Variants in MICALL1 observed in about 807,000 individuals in gnomAD.
The protein encoded by MICALL1 is MICAL like 1.
A neutral mutation model predicts 83.7 loss-of-function variants in MICALL1; 61 were observed. That is an observed-to-expected ratio of 0.73 (90% CI 0.59 to 0.90). The LOEUF (loss-of-function observed/expected upper bound fraction) is 0.90, where lower values mean the gene tolerates loss of function less well. MICALL1 is among the 40% of genes least tolerant of loss of function. The pLI, the probability that MICALL1 is intolerant of heterozygous loss-of-function variation, is 0.00. For missense variants in MICALL1, 1,066 were observed against 1,152.0 expected (o/e 0.93, Z 1.08); for synonymous variants, 481 against 473.6 (o/e 1.02, Z -0.20).
chr22:37,917,159 A>G (rs1928730845), intron 3 of MICALL1, among the ~76,000 whole-genome samples: 1 of 152,112 alleles, frequency 6.6e-6, no homozygotes, highest in South Asian at 2.1e-4. Flanking sequence ...GACGTGAGCC[A>G]CTGTGCCCGG....
At chr22:37,931,694 G>T in intron 9 of MICALL1, 105 bp from the exon 10 acceptor site, 1 of 1,384,422 alleles carries the variant, frequency 7.2e-7, no homozygotes, top group Admixed American at 1.9e-5. Context: ...GGTCCTGCTG[G>T]CCCTGGAGTG....
Position 37,931,878 on chromosome 22 carries a change from C to G in MICALL1, c.1961C>G (p.Ser654Cys), listed in dbSNP as rs1405748564. Reference sequence around the variant, plus strand: ...GCCACAAAGAAGGCCACCAAGGGATCCAAGCCAGTGAGGCCACCTGCCCCT... The same window carrying G: ...GCCACAAAGAAGGCCACCAAGGGATGCAAGCCAGTGAGGCCACCTGCCCCT... ...SPATKKATKG[S>C]KPVRPPAPGH... Residue 654 changes from serine to cysteine, a missense_variant, in exon 10 of 16, where the codon TCC becomes TGC. By Grantham distance (112) the Ser-to-Cys change is moderately radical. Coordinates refer to ENST00000215957, the MANE Select transcript of MICALL1 (RefSeq NM_033386.4). The G allele has an allele frequency of 6.2e-7, 1 of 1,614,188 alleles. No homozygotes were observed. The highest frequency in any genetic ancestry group is 2.2e-5 in the East Asian group (1 of 44,876).
intron 13 of MICALL1, among the ~76,000 whole-genome samples, chr22:37,935,510 C>T (rs551806598): frequency 4.6e-5 from 7 of 151,896 alleles, no homozygotes; most frequent in African/African-American, 1.7e-4. Context: ...CCGCCCACCT[C>T]GGCCTCCCAA....
chr22:37,907,351 A>G (rs1049886689), intron 1 of MICALL1: 6 of 152,320 alleles, frequency 3.9e-5, no homozygotes, highest in South Asian at 2.1e-4. Flanking sequence ...GAGCTGCCCA[A>G]TGAGGTTCTC....
At chr22:37,922,796 G>GTTTTTTTTTTTTTT (rs574266914) in intron 6 of MICALL1, among the ~76,000 whole-genome samples, 38 of 69,188 alleles carry the variant, frequency 5.5e-4, no homozygotes, top group South Asian at 1.1e-3. Context: ...GTTTTTTTTT[G>GTTTTTTTTTTTTTT]TTTTTTTTTT....
At position 37,932,154 on chromosome 22, in the gene MICALL1, CATTTA is replaced by C. The variant is rs1041088963; in HGVS notation, c.2016+226_2016+230del. ...TCACCACCAAAAGCAGTGGGTGGTGCATTTAATTTGTTACTAACAAGTTCAAGTAT... is the reference window on the plus strand; with the variant it reads ...TCACCACCAAAAGCAGTGGGTGGTGCATTTGTTACTAACAAGTTCAAGTAT... On this transcript the variant is annotated intron_variant, in intron 10 of 15. Coordinates refer to ENST00000215957, the MANE Select transcript of MICALL1 (RefSeq NM_033386.4). The surrounding 1 kb of genome is among the most constrained non-coding windows in gnomAD (Gnocchi z 4.4). Among the ~76,000 whole-genome samples the C allele has an allele frequency of 6.6e-6, 1 of 152,242 alleles. No individual in the cohort carries two copies. Among genetic ancestry groups the C allele is most frequent in the African/African-American group, 2.4e-5 (1 of 41,456 alleles).
intron 4 of MICALL1, among the ~76,000 whole-genome samples, chr22:37,918,687 G>T (rs1928827657): frequency 6.6e-6 from 1 of 152,248 alleles, no homozygotes; most frequent in South Asian, 2.1e-4. Context: ...AGGGGAGGAG[G>T]AGGGGGCAGG....
In MICALL1 at chr22:37,906,553, A is replaced by ACCGGCC; in HGVS notation, c.133_138dup (p.Arg45_Pro46dup). The stretch of plus-strand genomic sequence containing the variant: ...GCCTTCTGCGCCATCCTGCACCGGC[A>ACCGGCC]CCGGCCCGACCTGCTGTGAGTGCGG... On this transcript the variant is annotated inframe_insertion, in exon 1 of 16. Coordinates refer to ENST00000215957, the MANE Select transcript of MICALL1 (RefSeq NM_033386.4). The surrounding 1 kb of genome is among the most constrained non-coding windows in gnomAD (Gnocchi z 4.4). The ACCGGCC allele has an allele frequency of 8.5e-7, 1 of 1,179,976 alleles. No homozygotes were observed. Among genetic ancestry groups the ACCGGCC allele is most frequent in the Non-Finnish European group, 1.1e-6 (1 of 948,966 alleles). The allele number at this position is 1,179,976 out of a possible 1,614,324, so 73.1% of individuals were successfully genotyped here.
chr22:37,912,212 G>A (rs539784004), intron 2 of MICALL1, 139 bp from the exon 3 acceptor site: 1 of 1,184,392 alleles, frequency 8.4e-7, no homozygotes, highest in South Asian at 1.5e-5. Context: ...TGGTGCTTGG[G>A]TGGGATTAAT....
chr22:37,912,393 C>T lies in MICALL1; in HGVS notation c.238C>T (p.Leu80=), dbSNP rs199652207. ...GAAGGAGCTGGGGATCCCCGCTCTC[C>T]TGGACCCCAATGACATGGTCTCCAT... ...AEKELGIPAL[L]DPNDMVSMSV... Residue 80 remains leucine, a synonymous_variant, in exon 3 of 16, where the codon CTG becomes TTG. Transcript: ENST00000215957. 26 of 1,613,896 alleles carry T rather than the reference C, an allele frequency of 1.6e-5. No individual in the cohort carries two copies. The highest frequency in any genetic ancestry group is 2.2e-5 in the Non-Finnish European group (26 of 1,179,882).
rs568977951 is a variant in MICALL1 at position 37,924,045 on chromosome 22, C to A, written c.1025-615C>A. 5.6e-4 allele frequency among the ~76,000 whole-genome samples: 85 copies of A among 152,294 alleles called. 1 individual carries two copies. The highest frequency in any genetic ancestry group is 1.2e-3 in the South Asian group (6 of 4,822). On this transcript the variant is annotated intron_variant, in intron 6 of 15. Transcript: ENST00000215957. The surrounding 1 kb of genome is among the most constrained non-coding windows in gnomAD (Gnocchi z 5.2). ...AGACTCCTTGTATAAGGCTGCTGGG[C>A]AGCCCTTATCATTCCATTAGGGAAG...
At chr22:37,920,528 G>T (rs545993825) in intron 5 of MICALL1, among the ~76,000 whole-genome samples, 1 of 151,982 alleles carries the variant, frequency 6.6e-6, no homozygotes, top group Admixed American at 6.6e-5. Flanking sequence ...TATAATCCCA[G>T]CACTTTCGGA....
Position 37,927,725 on chromosome 22 carries a change from G to T in MICALL1, c.1780G>T (p.Ala594Ser), listed in dbSNP as rs758713733. ...CAGGGGCAGCTCAGGTCCCCAGCCAGCCAAGCCCTGCAGTGGCGCCACCCC... is the reference window on the plus strand; with the variant it reads ...CAGGGGCAGCTCAGGTCCCCAGCCATCCAAGCCCTGCAGTGGCGCCACCCC... ...RTRGSSGPQP[A>S]KPCSGATPTP... Residue 594 changes from alanine to serine, a missense_variant, in exon 9 of 16, where the codon GCC becomes TCC. Ala to Ser is a moderately conservative substitution (Grantham distance 99). Transcript: ENST00000215957. 6.2e-7 allele frequency: 1 copy of T among 1,613,990 alleles called. No individual in the cohort carries two copies. Among genetic ancestry groups the T allele is most frequent in the Non-Finnish European group, 8.5e-7 (1 of 1,180,022 alleles).
intron 8 of MICALL1, 157 bp from the exon 9 acceptor site, chr22:37,927,254 G>A (rs1569144731): frequency 1.7e-5 from 14 of 836,494 alleles, no homozygotes; most frequent in Non-Finnish European, 2.5e-5. Context: ...CCGTCCTGCC[G>A]GGCGTTTGCT....
rs1246761298 is a variant in MICALL1 at position 37,932,808 on chromosome 22, G to A, written c.2154G>A (p.Glu718=). The A allele has an allele frequency of 1.2e-6, 2 of 1,614,104 alleles. No individual in the cohort carries two copies. The highest frequency in any genetic ancestry group is 2.2e-5 in the South Asian group (2 of 91,078). ...GTATCTGGCTTCCAGAGGGCCGTGAGGATGACATGCTGGTGGACTGGTTCA... is the reference window on the plus strand; with the variant it reads ...GTATCTGGCTTCCAGAGGGCCGTGAAGATGACATGCTGGTGGACTGGTTCA... The part of the protein sequence containing the change: ...KLRGGLNEGR[E]DDMLVDWFKL... The change falls in exon 12 of 16, where the codon GAG becomes GAA. Residue 718 remains glutamate (E), a synonymous_variant. Transcript: ENST00000215957. This position sits in a 1 kb window ranked among gnomAD's most constrained non-coding sequence, Gnocchi z 4.4.
chr22:37,920,589 C>G (rs1928965361), intron 5 of MICALL1, among the ~76,000 whole-genome samples: 1 of 148,542 alleles, frequency 6.7e-6, no homozygotes, highest in Non-Finnish European at 1.5e-5. Context: ...CTAGCCTGGG[C>G]AACATAATGA....
chr22:37,906,551 G>C lies in MICALL1; in HGVS notation c.129G>C (p.Arg43=), dbSNP rs1421679536. 5.1e-6 allele frequency: 6 copies of C among 1,187,876 alleles called. No homozygotes were observed. The allele number at this position is 1,187,876 out of a possible 1,614,324, so 73.6% of individuals were successfully genotyped here. A position where few individuals can be genotyped will look rare whatever the true frequency, so the allele number is the denominator to read the frequency against. The change falls in exon 1 of 16, where the codon CGG becomes CGC. Residue 43 remains arginine (R), a synonymous_variant. Transcript: ENST00000215957. The surrounding 1 kb of genome is among the most constrained non-coding windows in gnomAD (Gnocchi z 4.4). The stretch of plus-strand genomic sequence containing the variant: ...TGGCCTTCTGCGCCATCCTGCACCG[G>C]CACCGGCCCGACCTGCTGTGAGTGC... ...DGLAFCAILH[R]HRPDLLDFDS...
At position 37,906,360 on chromosome 22, in the gene MICALL1, G is replaced by C. The variant is rs1289001329; in HGVS notation, c.-63G>C. 4.0e-6 allele frequency: 4 copies of C among 1,009,384 alleles called. No individual in the cohort carries two copies. The highest frequency in any genetic ancestry group is 4.7e-6 in the Non-Finnish European group (4 of 844,910). 62.5% of individuals were successfully genotyped at this position (1,009,384 alleles called of 1,614,324 possible). On this transcript the variant is annotated 5_prime_UTR_variant, in exon 1 of 16. Transcript: ENST00000215957. This position sits in a 1 kb window ranked among gnomAD's most constrained non-coding sequence, Gnocchi z 4.4. The stretch of plus-strand genomic sequence containing the variant: ...AGCCGGAAACCGGGCCCGCGCGGCG[G>C]CCGCCGTCCCGGCCAAGCCGGGGCC...
intron 15 of MICALL1, 124 bp downstream of exon 15, chr22:37,937,916 G>A (rs894046196): frequency 7.5e-6 from 9 of 1,205,284 alleles, no homozygotes; most frequent in African/African-American, 1.5e-5. Context: ...CACAAACTCC[G>A]CAGCCTCTGT....
Sources: allele counts gnomAD v4.1 joint callset (sites outside exome capture counted in the v4.1 genomes callset), GRCh38; gene constraint gnomAD v4.1.1; non-coding constraint Gnocchi (gnomAD v3.1); transcripts MANE v1.5; gene names NCBI Gene and HGNC (gene_info 2026-07-23, HGNC 2026-07-21).